The following PDE4D variants were observed in gnomAD, a reference collection of about 807,000 sequenced individuals.
PDE4D encodes the protein phosphodiesterase 4D.
A neutral mutation model predicts 87.4 loss-of-function variants in PDE4D; 24 were observed. The ratio of observed to expected loss-of-function variants is 0.27; its 90% confidence interval spans 0.20 to 0.39. The LOEUF is 0.39. PDE4D is among the 10% of genes least tolerant of loss of function. The pLI, the probability that PDE4D is intolerant of heterozygous loss-of-function variation, is 1.00. For synonymous variants in PDE4D, 384 were observed against 383.2 expected, an observed-to-expected ratio of 1.00 and a Z score of -0.02; for missense variants, 714 against 1,041.0, an observed-to-expected ratio of 0.69 and a Z score of 4.32.
At chr5:59,877,824 A>G (rs1022081095) in intron 1 of PDE4D, among the ~76,000 whole-genome samples, 20 of 152,224 alleles carry the variant, frequency 1.3e-4, no homozygotes, top group Non-Finnish European at 1.9e-4. Context: ...GCCAAAAAAA[A>G]GAGAAAGAAA....
intron 5 of PDE4D, among the ~76,000 whole-genome samples, chr5:59,115,442 T>G (rs1773440809): frequency 1.3e-5 from 2 of 152,224 alleles, no homozygotes; most frequent in Non-Finnish European, 2.9e-5. Flanking sequence ...AGTTGTGACT[T>G]TCCCTGAAAT....
intron 1 of PDE4D, among the ~76,000 whole-genome samples, chr5:59,300,620 C>T (rs1770028808): frequency 6.6e-6 from 1 of 152,134 alleles, no homozygotes; most frequent in East Asian, 1.9e-4. Flanking sequence ...TTTTCCTCTA[C>T]TCTCACACCA....
At chr5:59,391,853 C>T (rs969769235) in intron 1 of PDE4D, among the ~76,000 whole-genome samples, 4 of 151,088 alleles carry the variant, frequency 2.6e-5, no homozygotes, top group South Asian at 2.1e-4. Context: ...CACACACATT[C>T]GTTAACCTCT....
intron 2 of PDE4D, among the ~76,000 whole-genome samples, chr5:59,988,940 C>T (rs1237913101): frequency 6.6e-6 from 1 of 151,890 alleles, no homozygotes; most frequent in African/African-American, 2.4e-5. Flanking sequence ...TTGGTTAAAA[C>T]AGTTAACTAA....
intron 1 of PDE4D, among the ~76,000 whole-genome samples, chr5:59,657,756 A>G (rs1744608908): frequency 6.6e-6 from 1 of 152,204 alleles, no homozygotes; most frequent in African/African-American, 2.4e-5. Context: ...GTTAGCTCAC[A>G]ACAGCAGCTT....
At chr5:59,493,250 GC>G (rs1806550922) in intron 1 of PDE4D, among the ~76,000 whole-genome samples, 2 of 152,216 alleles carry the variant, frequency 1.3e-5, no homozygotes, top group South Asian at 4.2e-4. Context: ...TTTGCAGGTG[GC>G]CAAAATCCTT....
intron 1 of PDE4D, among the ~76,000 whole-genome samples, chr5:59,609,532 T>C (rs1038921742): frequency 6.6e-6 from 1 of 152,172 alleles, no homozygotes; most frequent in South Asian, 2.1e-4. Context: ...TGAAGTGCCC[T>C]GTCTTCTGCC....
chr5:59,869,499 A>G (rs750012884), intron 1 of PDE4D, among the ~76,000 whole-genome samples: 6 of 152,182 alleles, frequency 3.9e-5, no homozygotes, highest in Non-Finnish European at 7.4e-5. Flanking sequence ...AGATTCCTGA[A>G]TGCCATGGTA....
Position 59,803,385 on chromosome 5 carries a change from G to A in PDE4D, c.455+89783C>T, listed in dbSNP as rs560295384. On this transcript the variant is annotated intron_variant, in intron 1 of 14. Transcript: ENST00000340635. ...GCCATCTTGGCTCACTGCAACCTCC[G>A]CCCCCCGGGTTCAAGCGATTCTCCT... Among the ~76,000 whole-genome samples the A allele has an allele frequency of 3.0e-4, 44 of 145,156 alleles. 1 individual carries two copies. In the East Asian group the frequency reaches 5.7e-3, roughly 19 times the overall value.
At chr5:60,416,550 C>T (rs1742589942) in intron 1 of PDE4D, among the ~76,000 whole-genome samples, 1 of 152,152 alleles carries the variant, frequency 6.6e-6, no homozygotes, top group South Asian at 2.1e-4. Flanking sequence ...AGGTCTGCAG[C>T]TTCACTCCTG....
At chr5:59,361,488 A>G (rs1782217279) in intron 1 of PDE4D, among the ~76,000 whole-genome samples, 1 of 152,200 alleles carries the variant, frequency 6.6e-6, no homozygotes, top group Non-Finnish European at 1.5e-5. Context: ...TCATGAATAC[A>G]GTCTTAAATA....
At chr5:60,298,268 A>G (rs1753592488) in intron 1 of PDE4D, among the ~76,000 whole-genome samples, 1 of 152,188 alleles carries the variant, frequency 6.6e-6, no homozygotes, top group Non-Finnish European at 1.5e-5. Context: ...ACTGCATACC[A>G]TTCAACTAAC....
At chr5:59,430,992 G>T (rs1235928730) in intron 1 of PDE4D, among the ~76,000 whole-genome samples, 1 of 151,958 alleles carries the variant, frequency 6.6e-6, no homozygotes, top group Non-Finnish European at 1.5e-5. Flanking sequence ...AAAAATTGTG[G>T]GTTCTTATTC....
intron 2 of PDE4D, among the ~76,000 whole-genome samples, chr5:60,100,451 A>AAGGAGGGGAAGAG (rs1394356424): frequency 6.6e-6 from 1 of 152,004 alleles, no homozygotes; most frequent in African/African-American, 2.4e-5. Flanking sequence ...AGAAGAAAGG[A>AAGGAGGGGAAGAG]AGGAGGGGAA....
At chr5:59,809,574 G>A (rs1768111864) in intron 1 of PDE4D, among the ~76,000 whole-genome samples, 1 of 152,116 alleles carries the variant, frequency 6.6e-6, no homozygotes, top group Admixed American at 6.5e-5. Flanking sequence ...AGTAATTTTA[G>A]GATATAGTAT....
chr5:60,213,443 G>A (rs1453120394), intron 1 of PDE4D, among the ~76,000 whole-genome samples: 3 of 152,110 alleles, frequency 2.0e-5, no homozygotes, highest in African/African-American at 7.2e-5. Flanking sequence ...GAACTCCAAA[G>A]GTTCACGGGC....
chr5:59,483,036 A>G (rs1804535689), intron 1 of PDE4D, among the ~76,000 whole-genome samples: 1 of 152,150 alleles, frequency 6.6e-6, no homozygotes, highest in African/African-American at 2.4e-5. Context: ...TGCATAGAAC[A>G]TAAAGGCTGA....
intron 2 of PDE4D, among the ~76,000 whole-genome samples, chr5:59,203,211 A>G (rs1747932567): frequency 6.6e-6 from 1 of 152,144 alleles, no homozygotes. Flanking sequence ...AAGACCTACA[A>G]AAAAAGGTCA....
At chr5:59,105,150 G>A (rs1161065966) in intron 5 of PDE4D, among the ~76,000 whole-genome samples, 1 of 152,148 alleles carries the variant, frequency 6.6e-6, no homozygotes, top group Admixed American at 6.5e-5. Context: ...GGAGAAAAAG[G>A]ATAGTCTGGT....
Sources: gnomAD v4.1 joint callset for allele counts (sites outside exome capture counted in the v4.1 genomes callset) on GRCh38, gnomAD v4.1.1 for gene constraint, MANE v1.5 for transcripts, NCBI Gene and HGNC (gene_info 2026-07-23, HGNC 2026-07-21) for gene names.